The following CFAP210 variants were observed in gnomAD, a reference collection of about 807,000 sequenced individuals.
CFAP210 encodes the protein cilia- and flagella- associated protein 210.
the CFAP210 span, among the ~76,000 whole-genome samples, chr2:169,664,513 T>C: frequency 2.6e-5 from 4 of 152,250 alleles, no homozygotes; most frequent in African/African-American, 7.2e-5. Flanking sequence ...TTTAATTAGC[T>C]GTCAAAAGGG....
chr2:169,692,561 T>C, the CFAP210 span, among the ~76,000 whole-genome samples: 4 of 151,952 alleles, frequency 2.6e-5, no homozygotes, highest in East Asian at 7.8e-4. Flanking sequence ...CCCCAGATAA[T>C]GGCATTAATC....
the CFAP210 span, among the ~76,000 whole-genome samples, chr2:169,653,056 A>ATATG: frequency 2.0e-4 from 20 of 101,990 alleles, no homozygotes; most frequent in African/African-American, 7.1e-4. Context: ...ATATATATAT[A>ATATG]TATATATATA....
chr2:169,674,477 CTAAT>C, the CFAP210 span: 9 of 1,000,728 alleles, frequency 9.0e-6, no homozygotes, highest in South Asian at 1.6e-5. Context: ...TTTCTACTGA[CTAAT>C]TATTTTAGCA....
At chr2:169,647,081 CATT>C in the CFAP210 span, among the ~76,000 whole-genome samples, 3 of 151,910 alleles carry the variant, frequency 2.0e-5, no homozygotes, top group Non-Finnish European at 2.9e-5. Flanking sequence ...TCAAATTTTT[CATT>C]ATTGAGTGCT....
the CFAP210 span, among the ~76,000 whole-genome samples, chr2:169,685,715 T>G: frequency 2.0e-5 from 3 of 151,844 alleles, no homozygotes; most frequent in Admixed American, 6.6e-5. Flanking sequence ...ATAAGTTTTC[T>G]TCTAATAGTT....
the CFAP210 span, chr2:169,646,014 CT>C: frequency 6.2e-7 from 1 of 1,613,932 alleles, no homozygotes; most frequent in Non-Finnish European, 8.5e-7. Context: ...TCCTGTACAG[CT>C]TTTACAAGAG....
chr2:169,652,805 C>T, the CFAP210 span, among the ~76,000 whole-genome samples: 1 of 149,110 alleles, frequency 6.7e-6, no homozygotes, highest in East Asian at 2.0e-4. Flanking sequence ...ACCATCCTGG[C>T]TAACACGGTG....
the CFAP210 span, among the ~76,000 whole-genome samples, chr2:169,669,946 A>G: frequency 6.6e-6 from 1 of 152,178 alleles, no homozygotes; most frequent in African/African-American, 2.4e-5. Flanking sequence ...CAGATTTAGG[A>G]TGGCACTTAC....
the CFAP210 span, among the ~76,000 whole-genome samples, chr2:169,654,475 G>C: frequency 6.6e-6 from 1 of 152,134 alleles, no homozygotes; most frequent in African/African-American, 2.4e-5. Flanking sequence ...TGAGAATATA[G>C]TTAAATAAAT....
chr2:169,691,330 A>G, the CFAP210 span, among the ~76,000 whole-genome samples: 1 of 152,088 alleles, frequency 6.6e-6, no homozygotes, highest in Non-Finnish European at 1.5e-5. Flanking sequence ...ATACTTTTCT[A>G]TAGTTCTTTA....
chr2:169,661,281 G>A, the CFAP210 span: 201 of 544,548 alleles, frequency 3.7e-4, 2 homozygotes, highest in African/African-American at 3.1e-3. Flanking sequence ...CCAAGATGCC[G>A]TTTGCATCTT....
the CFAP210 span, among the ~76,000 whole-genome samples, chr2:169,660,380 A>G: frequency 6.8e-6 from 1 of 146,404 alleles, no homozygotes; most frequent in Non-Finnish European, 1.5e-5. Flanking sequence ...ACAGAGCAAG[A>G]CTCTGTCTCA....
At chr2:169,693,110 T>C in the CFAP210 span, among the ~76,000 whole-genome samples, 2 of 152,236 alleles carry the variant, frequency 1.3e-5, no homozygotes, top group Non-Finnish European at 2.9e-5. Context: ...ATAGATCCTA[T>C]TTCACCATTC....
chr2:169,681,271 G>A, the CFAP210 span: 1 of 1,455,666 alleles, frequency 6.9e-7, no homozygotes, highest in South Asian at 1.2e-5. Context: ...AAGACTTACG[G>A]GAACAGTTTA....
chr2:169,660,154 C>T, the CFAP210 span, among the ~76,000 whole-genome samples: 1 of 151,750 alleles, frequency 6.6e-6, no homozygotes, highest in African/African-American at 2.4e-5. Flanking sequence ...TTTGGGAGTC[C>T]AAGGCGAGCA....
the CFAP210 span, among the ~76,000 whole-genome samples, chr2:169,655,387 C>G: frequency 6.6e-6 from 1 of 152,166 alleles, no homozygotes; most frequent in Non-Finnish European, 1.5e-5. Context: ...AACTCAGGGT[C>G]TACTATGTGC....
chr2:169,662,288 G>C, the CFAP210 span: 1 of 1,594,114 alleles, frequency 6.3e-7, no homozygotes, highest in Non-Finnish European at 8.5e-7. Flanking sequence ...ACAAGAAACC[G>C]TCTCCTGCTT....
At chr2:169,670,974 T>C in the CFAP210 span, among the ~76,000 whole-genome samples, 9 of 152,338 alleles carry the variant, frequency 5.9e-5, no homozygotes, top group East Asian at 1.7e-3. Context: ...ATACAATTAA[T>C]AGGGCATGCA....
chr2:169,693,088 AG>A, the CFAP210 span, among the ~76,000 whole-genome samples: 1 of 152,182 alleles, frequency 6.6e-6, no homozygotes, highest in Non-Finnish European at 1.5e-5. Context: ...TATGGAGGAG[AG>A]GATTTCAGGC....
Sources: gnomAD v4.1 joint callset for allele counts (sites outside exome capture counted in the v4.1 genomes callset) on GRCh38, gnomAD v4.1.1 for gene constraint, MANE v1.5 for transcripts, NCBI Gene and HGNC (gene_info 2026-07-23, HGNC 2026-07-21) for gene names.